The following EBF2 variants were observed in gnomAD, a reference collection of about 807,000 sequenced individuals.
EBF2 encodes transcription factor COE2.
A neutral mutation model predicts 72.8 loss-of-function variants in EBF2; 21 were observed. That is an observed-to-expected ratio of 0.29 (90% CI 0.20 to 0.42). EBF2 has a LOEUF of 0.42. Among genes scored for constraint, EBF2 ranks in the 10% least tolerant of loss-of-function variants. The pLI, the probability that EBF2 is intolerant of heterozygous loss-of-function variation, is 1.00. For synonymous variants in EBF2, 299 were observed against 274.2 expected, an observed-to-expected ratio of 1.09 and a Z score of -0.89; for missense variants, 637 against 731.2, an observed-to-expected ratio of 0.87 and a Z score of 1.49.
intron 8 of EBF2, among the ~76,000 whole-genome samples, chr8:25,888,843 C>G (rs1339570055): frequency 6.6e-6 from 1 of 152,170 alleles, no homozygotes; most frequent in Admixed American, 6.5e-5. Flanking sequence ...CATGAGCCCC[C>G]TTTGAACAGC....
intron 14 of EBF2, among the ~76,000 whole-genome samples, chr8:25,853,701 A>G (rs753134981): frequency 3.3e-5 from 5 of 151,984 alleles, no homozygotes; most frequent in Admixed American, 1.3e-4. Flanking sequence ...GGGCATTTTT[A>G]TAATAATGAA....
chr8:25,854,065 A>T (rs1349864474), intron 14 of EBF2, among the ~76,000 whole-genome samples: 1 of 152,188 alleles, frequency 6.6e-6, no homozygotes, highest in Non-Finnish European at 1.5e-5. Flanking sequence ...AGAAACCAGT[A>T]AAGGCTATTA....
At chr8:25,856,621 C>G (rs1026208609) in intron 14 of EBF2, among the ~76,000 whole-genome samples, 2 of 152,152 alleles carry the variant, frequency 1.3e-5, no homozygotes, top group Admixed American at 1.3e-4. Context: ...ATTGTTGTCA[C>G]TGTTATATCA....
At chr8:26,008,280 T>C (rs528461871) in intron 6 of EBF2, among the ~76,000 whole-genome samples, 1 of 152,282 alleles carries the variant, frequency 6.6e-6, no homozygotes, top group African/African-American at 2.4e-5. Flanking sequence ...TTCCCATATT[T>C]TCTCCTTTTC....
intron 6 of EBF2, among the ~76,000 whole-genome samples, chr8:25,993,016 C>A (rs1029493670): frequency 6.6e-6 from 1 of 152,152 alleles, no homozygotes; most frequent in South Asian, 2.1e-4. Flanking sequence ...GATCCACCAC[C>A]TTTCCCTGCC....
chr8:26,033,390 C>T (rs1469354707), intron 5 of EBF2, among the ~76,000 whole-genome samples: 1 of 152,152 alleles, frequency 6.6e-6, no homozygotes, highest in Non-Finnish European at 1.5e-5. Flanking sequence ...CCACCGCGCC[C>T]AGCTAATTTC....
At chr8:26,040,582 C>A in intron 4 of EBF2, 34 bp downstream of exon 4, 1 of 1,547,736 alleles carries the variant, frequency 6.5e-7, no homozygotes. Context: ...GGGTCAGAGA[C>A]AGGCGAAGAG....
At chr8:25,984,947 A>G (rs1319248258) in intron 6 of EBF2, among the ~76,000 whole-genome samples, 8 of 152,142 alleles carry the variant, frequency 5.3e-5, no homozygotes, top group Admixed American at 5.2e-4. Context: ...AAAAAAAAAA[A>G]AAAAATTATG....
chr8:25,970,680 G>T (rs1804176951), intron 6 of EBF2, among the ~76,000 whole-genome samples: 1 of 152,156 alleles, frequency 6.6e-6, no homozygotes, highest in Non-Finnish European at 1.5e-5. Flanking sequence ...AGGCCTGCTG[G>T]TTCTGGCCAG....
At chr8:26,011,008 CACACACAT>C (rs1804972803) in intron 6 of EBF2, among the ~76,000 whole-genome samples, 1 of 152,122 alleles carries the variant, frequency 6.6e-6, no homozygotes, top group South Asian at 2.1e-4. Context: ...CACACACACA[CACACACAT>C]CTCTAAGGTA....
At chr8:25,917,117 C>G (rs187220557) in intron 6 of EBF2, among the ~76,000 whole-genome samples, 1 of 151,992 alleles carries the variant, frequency 6.6e-6, no homozygotes, top group East Asian at 1.9e-4. Flanking sequence ...ATTTGATTCT[C>G]CACTTATTTC....
chr8:26,039,113 T>G (rs2117264501), intron 5 of EBF2, among the ~76,000 whole-genome samples: 1 of 152,304 alleles, frequency 6.6e-6, no homozygotes, highest in South Asian at 2.1e-4. Flanking sequence ...TTTATATCCT[T>G]TCTTGTCTGC....
intron 9 of EBF2, among the ~76,000 whole-genome samples, chr8:25,887,452 A>G (rs547932512): frequency 5.7e-4 from 87 of 152,330 alleles, no homozygotes; most frequent in Non-Finnish European, 1.8e-4. Flanking sequence ...TTAACATCAT[A>G]AAGACAATCA....
intron 7 of EBF2, among the ~76,000 whole-genome samples, chr8:25,901,309 C>T (rs1440065551): frequency 6.6e-6 from 1 of 151,350 alleles, no homozygotes; most frequent in Non-Finnish European, 1.5e-5. Flanking sequence ...GTAGTCCTAG[C>T]TACTTAAGGG....
chr8:25,903,625 A>C (rs1378696806), intron 7 of EBF2, among the ~76,000 whole-genome samples: 1 of 152,166 alleles, frequency 6.6e-6, no homozygotes, highest in African/African-American at 2.4e-5. Context: ...TGAATCCGGG[A>C]GGCGGAGTTT....
At position 25,878,889 on chromosome 8, in the gene EBF2, CAACT is replaced by C. The variant is rs147334887; in HGVS notation, c.1009+7862_1009+7865del. 1.9e-3 allele frequency among the ~76,000 whole-genome samples: 282 copies of C among 152,276 alleles called. 3 individuals carry two copies. The highest frequency in any genetic ancestry group is 6.5e-3 in the African/African-American group (268 of 41,550). On this transcript the variant is annotated intron_variant, in intron 10 of 15. Coordinates refer to ENST00000520164, the MANE Select transcript of EBF2 (RefSeq NM_022659.4). ...AGGCAGTTTCTGGAAGAAGCACCACCAACTATCAGGCTGGAAATACTTTGTACCT... is the reference window on the plus strand; with the variant it reads ...AGGCAGTTTCTGGAAGAAGCACCACCATCAGGCTGGAAATACTTTGTACCT...
chr8:25,874,486 T>C (rs1802488774), intron 10 of EBF2, among the ~76,000 whole-genome samples: 4 of 152,134 alleles, frequency 2.6e-5, no homozygotes, highest in Admixed American at 2.6e-4. Flanking sequence ...GCATGAATTA[T>C]CTGGTTTCTT....
chr8:25,984,550 C>T (rs1031604525), intron 6 of EBF2, among the ~76,000 whole-genome samples: 2 of 152,084 alleles, frequency 1.3e-5, no homozygotes, highest in Admixed American at 1.3e-4. Flanking sequence ...GGCCTGGTGG[C>T]GCACGCCTGC....
At chr8:26,008,759 AG>A (rs1216644585) in intron 6 of EBF2, among the ~76,000 whole-genome samples, 10 of 151,310 alleles carry the variant, frequency 6.6e-5, no homozygotes, top group Non-Finnish European at 2.9e-5. Context: ...AGAGGAAAAA[AG>A]TTACTCTGCA....
Sources: gnomAD v4.1 joint callset for allele counts (sites outside exome capture counted in the v4.1 genomes callset) on GRCh38, gnomAD v4.1.1 for gene constraint, MANE v1.5 for transcripts, NCBI Gene and HGNC (gene_info 2026-07-23, HGNC 2026-07-21) for gene names.